The following NUDT13 variants were observed in gnomAD, a reference collection of about 807,000 sequenced individuals.
NUDT13 encodes the protein NAD(P)H pyrophosphatase NUDT13, mitochondrial.
Under a neutral mutation model 41.7 loss-of-function variants are expected in NUDT13, and 40 were observed. The ratio of observed to expected loss-of-function variants is 0.96; its 90% CI spans 0.75 to 1.25. The LOEUF is 1.25. NUDT13 is among the 50% of genes most tolerant of loss of function. The pLI is 0.00. For missense variants in NUDT13, 390 were observed against 416.1 expected, an observed-to-expected ratio of 0.94 and a Z score of 0.55; for synonymous variants, 145 against 155.5, an observed-to-expected ratio of 0.93 and a Z score of 0.50.
rs1442381261 is a variant in NUDT13 at position 73,122,318 on chromosome 10, C to T, written c.358+9C>T. On this transcript the variant is annotated intron_variant, in intron 4 of 8. Coordinates refer to ENST00000357321, the MANE Select transcript of NUDT13 (RefSeq NM_015901.6). ...CTCCTTTTCCATAAGTGGTACATGA[C>T]ATTATTCCTAACGGGTACTTCCCAG... The T allele has an allele frequency of 6.2e-7, 1 of 1,606,096 alleles. No homozygotes were observed. The highest frequency in any genetic ancestry group is 1.7e-5 in the Admixed American group (1 of 57,836).
At chr10:73,125,658 T>C (rs1261620573) in intron 7 of NUDT13, 149 bp downstream of exon 7, 3 of 131,104 alleles carry the variant, frequency 2.3e-5, no homozygotes, top group Admixed American at 1.6e-4. Flanking sequence ...ATTTTATATA[T>C]ATATATATAT....
chr10:73,119,589 G>A (rs1352796909), intron 2 of NUDT13: 1 of 456,500 alleles, frequency 2.2e-6, no homozygotes, highest in African/African-American at 2.1e-5. Flanking sequence ...GTAAATTCTT[G>A]CCTCACAGTG....
chr10:73,111,886 G>T (rs1842373694), intron 1 of NUDT13, among the ~76,000 whole-genome samples: 1 of 152,028 alleles, frequency 6.6e-6, no homozygotes, highest in South Asian at 2.1e-4. Context: ...ATTTTATTAG[G>T]CTTTTCTTTT....
chr10:73,124,207 T>C lies in NUDT13; in HGVS notation c.359-7T>C. 6.3e-7 allele frequency: 1 copy of C among 1,590,310 alleles called. No individual in the cohort carries two copies. Among genetic ancestry groups the C allele is most frequent in the Non-Finnish European group, 8.6e-7 (1 of 1,161,310 alleles). On this transcript the variant is annotated splice_region_variant and splice_polypyrimidine_tract_variant and intron_variant, in intron 4 of 8. Coordinates refer to ENST00000357321, the MANE Select transcript of NUDT13 (RefSeq NM_015901.6). ...GTTTAATTTCATTATCTTTTCTAAT[T>C]TTCTAGCCTCCTTACACAAACCTGA...
Position 73,130,811 on chromosome 10 carries a change from T to G in NUDT13, c.967T>G (p.Phe323Val). Reference sequence around the variant, plus strand: ...CTATACTCAGCAACAGAATGGGACTTTCCCATTCTGGCTGCCCCCTAAGTT... The same window carrying G: ...CTATACTCAGCAACAGAATGGGACTGTCCCATTCTGGCTGCCCCCTAAGTT... ...GPYTQQQNGT[F>V]PFWLPPKLAI... is the part of the protein sequence containing the mutation. Residue 323 changes from phenylalanine (F) to valine (V), a missense_variant, in exon 9 of 9, where the codon TTC becomes GTC. Coordinates refer to ENST00000357321, the MANE Select transcript of NUDT13 (RefSeq NM_015901.6). The G allele has an allele frequency of 6.2e-7, 1 of 1,612,506 alleles. No homozygotes were observed. The highest frequency in any genetic ancestry group is 8.5e-7 in the Non-Finnish European group (1 of 1,179,538).
chr10:73,126,906 A>C (rs982099665), intron 8 of NUDT13, 79 bp downstream of exon 8: 2 of 1,228,658 alleles, frequency 1.6e-6, no homozygotes, highest in African/African-American at 3.0e-5. Flanking sequence ...CTTATTAAGC[A>C]CTTGTCTAGT....
At chr10:73,121,163 CAGG>C (rs375943415) in intron 3 of NUDT13, among the ~76,000 whole-genome samples, 147 of 152,218 alleles carry the variant, frequency 9.7e-4, no homozygotes, top group African/African-American at 3.4e-3. Context: ...TGCTTGAGCC[CAGG>C]AGTTCAAAAC....
rs761527536 is a variant in NUDT13, at chr10:73,126,675, G to C, written c.706G>C (p.Glu236Gln). 6.2e-6 allele frequency: 10 copies of C among 1,613,948 alleles called. No homozygotes were observed. The Admixed American group carries it at 1.5e-4, about 24-fold the overall frequency. ...TGAATTAATCTGAGTGCTTGTAGGTGAAAGTGTGGAAGAGACCATCCGCCG... is the reference window on the plus strand; with the variant it reads ...TGAATTAATCTGAGTGCTTGTAGGTCAAAGTGTGGAAGAGACCATCCGCCG... Reference protein sequence around the residue: ...SALAGFCDIGESVEETIRREV... With the variant: ...SALAGFCDIGQSVEETIRREV... The change falls in exon 8 of 9, where the codon GAA becomes CAA. Residue 236 changes from glutamate (E) to glutamine (Q), a missense_variant and splice_region_variant. Glu to Gln is a conservative substitution (Grantham distance 29). Transcript: ENST00000357321.
At chr10:73,116,944 G>A (rs540550969) in intron 2 of NUDT13, among the ~76,000 whole-genome samples, 340 of 125,254 alleles carry the variant, frequency 2.7e-3, no homozygotes, top group African/African-American at 1.0e-2. Context: ...GGACTGCAGT[G>A]GTGTGATCTC....
chr10:73,129,675 T>TAAAA (rs568746029), intron 8 of NUDT13, among the ~76,000 whole-genome samples: 144 of 135,358 alleles, frequency 1.1e-3, no homozygotes, highest in East Asian at 3.4e-3. Context: ...CCTTACCCTT[T>TAAAA]AAAAAAAAAA....
intron 3 of NUDT13, among the ~76,000 whole-genome samples, chr10:73,121,147 G>A (rs923099374): frequency 3.9e-5 from 6 of 152,168 alleles, no homozygotes; most frequent in Non-Finnish European, 7.3e-5. Flanking sequence ...GCTGAGGTGG[G>A]TGGATTGCTT....
At chr10:73,120,563 T>A (rs1362731670) in intron 3 of NUDT13, among the ~76,000 whole-genome samples, 3 of 152,190 alleles carry the variant, frequency 2.0e-5, no homozygotes, top group Non-Finnish European at 4.4e-5. Flanking sequence ...ATTTAGTATC[T>A]CTTTCCAGAA....
chr10:73,122,231 G>A lies in NUDT13; in HGVS notation c.280G>A (p.Val94Met), dbSNP rs1341907713. 3 of 1,614,078 alleles carry A rather than the reference G, an allele frequency of 1.9e-6. No homozygotes were observed. The highest frequency in any genetic ancestry group is 2.5e-6 in the Non-Finnish European group (3 of 1,179,932). ...GQDAQRIEDS[V>M]LIGCSEQQEA... is the part of the protein sequence containing the mutation. ...GGATGCACAAAGAATAGAAGATTCT[G>A]TGCTGATTGGATGCTCTGAGCAGCA... Residue 94 changes from valine to methionine, a missense_variant, in exon 4 of 9, where the codon GTG becomes ATG. Physicochemically the swap from Val to Met is conservative, Grantham distance 21 (BLOSUM62 1). Transcript: ENST00000357321.
chr10:73,114,299 C>G (rs1375691855), intron 1 of NUDT13, 58 bp from the exon 2 acceptor site: 19 of 813,278 alleles, frequency 2.3e-5, no homozygotes, highest in African/African-American at 3.5e-5. Flanking sequence ...CTTGGCAATT[C>G]ATTACTTTAA....
intron 3 of NUDT13, 142 bp downstream of exon 3, chr10:73,120,299 G>A (rs938113823): frequency 4.4e-6 from 3 of 687,172 alleles, no homozygotes; most frequent in African/African-American, 3.6e-5. Context: ...TTGTATAACT[G>A]CTTCTGCCAA....
At chr10:73,120,755 G>A (rs1293709815) in intron 3 of NUDT13, among the ~76,000 whole-genome samples, 4 of 151,762 alleles carry the variant, frequency 2.6e-5, no homozygotes, top group Admixed American at 2.6e-4. Flanking sequence ...TGGCTAACAC[G>A]GTGAAACCCG....
chr10:73,111,474 C>T (rs568250466), intron 1 of NUDT13, among the ~76,000 whole-genome samples: 2 of 152,208 alleles, frequency 1.3e-5, no homozygotes, highest in South Asian at 4.1e-4. Context: ...TTTTGTCACG[C>T]TGTAGTACTT....
chr10:73,119,426 A>C, intron 2 of NUDT13: 1 of 894,944 alleles, frequency 1.1e-6, no homozygotes, highest in Non-Finnish European at 1.3e-6. Context: ...CATTGAAGGT[A>C]AAATTTGTTC....
intron 2 of NUDT13, among the ~76,000 whole-genome samples, chr10:73,116,724 A>C (rs1222078518): frequency 1.3e-5 from 2 of 152,108 alleles, no homozygotes; most frequent in African/African-American, 4.8e-5. Flanking sequence ...CCTGCATGAT[A>C]GAGTGAGACC....
Sources: allele counts gnomAD v4.1 joint callset (sites outside exome capture counted in the v4.1 genomes callset), GRCh38; gene constraint gnomAD v4.1.1; transcripts MANE v1.5; gene names NCBI Gene and HGNC (gene_info 2026-07-23, HGNC 2026-07-21).